KLHL29: variants seen among roughly 807,000 people sequenced by gnomAD.
The protein encoded by KLHL29 is kelch-like protein 29.
KLHL29 carries 21 observed loss-of-function variants against 80.4 expected under a neutral mutation model. The ratio of observed to expected loss-of-function variants is 0.26; its 90% confidence interval spans 0.19 to 0.38. The LOEUF (loss-of-function observed/expected upper bound fraction) is 0.38, where lower values mean the gene tolerates loss of function less well. KLHL29 is among the 10% of genes least tolerant of loss of function. The pLI is 1.00. For synonymous variants in KLHL29, 511 were observed against 526.8 expected, an observed-to-expected ratio of 0.97 and a Z score of 0.41; for missense variants, 867 against 1,223.9, an observed-to-expected ratio of 0.71 and a Z score of 4.35.
rs773103328 is a variant in KLHL29, at chr2:23,563,136, AG to A, written c.285+657del. Reference sequence around the variant, plus strand: ...AGCTGGCTTCAGGGATGTCAGCGCCAGGTCATTCCCGTTTCTTTCAGAAGAG... The same window carrying A: ...AGCTGGCTTCAGGGATGTCAGCGCCAGTCATTCCCGTTTCTTTCAGAAGAG... On this transcript the variant is annotated intron_variant, in intron 3 of 13. Coordinates refer to ENST00000486442, the MANE Select transcript of KLHL29 (RefSeq NM_052920.2). Among the ~76,000 whole-genome samples the A allele has an allele frequency of 2.6e-5, 4 of 152,250 alleles. No homozygotes were observed. In the East Asian group the frequency reaches 5.8e-4, roughly 22 times the overall value.
At position 23,642,762 on chromosome 2, in the gene KLHL29, C is replaced by G. The variant is rs1185958407; in HGVS notation, c.852C>G (p.Pro284=). 1.9e-6 allele frequency: 3 copies of G among 1,550,404 alleles called. No homozygotes were observed. The highest frequency in any genetic ancestry group is 2.6e-6 in the Non-Finnish European group (3 of 1,146,860). Residue 284 remains proline, a synonymous_variant, in exon 5 of 14, where the codon CCC becomes CCG. Coordinates refer to ENST00000486442, the MANE Select transcript of KLHL29 (RefSeq NM_052920.2). ...LPSGAPATNG[P]PTTDSAHGLQ... The stretch of plus-strand genomic sequence containing the variant: ...GTGGTGCCCCTGCCACCAATGGGCC[C>G]CCCACAACCGACTCGGCCCACGGGC...
At chr2:23,467,192 G>T (rs747772267) in intron 1 of KLHL29, among the ~76,000 whole-genome samples, 3 of 152,196 alleles carry the variant, frequency 2.0e-5, no homozygotes, top group Admixed American at 6.5e-5. Flanking sequence ...TCAGCTGCTG[G>T]CCTCCTTTCC....
At position 23,639,234 on chromosome 2, in the gene KLHL29, C is replaced by T; in HGVS notation, c.381C>T (p.Asp127=). 1 of 1,549,014 alleles carries T rather than the reference C, an allele frequency of 6.5e-7. No individual in the cohort carries two copies. Among genetic ancestry groups the T allele is most frequent in the Non-Finnish European group, 8.7e-7 (1 of 1,145,822 alleles). The change falls in exon 4 of 14, where the codon GAC becomes GAT. Residue 127 remains aspartate, a synonymous_variant. Coordinates refer to ENST00000486442, the MANE Select transcript of KLHL29 (RefSeq NM_052920.2). ...CTATCAATCAGTCCACACCCTGGGA[C>T]ACTGATGAGCCACCCTCCAAACAGA... ...QTPINQSTPW[D]TDEPPSKQMR... is the part of the protein sequence containing the mutation.
intron 1 of KLHL29, among the ~76,000 whole-genome samples, chr2:23,474,886 G>C (rs756418428): frequency 2.0e-5 from 3 of 151,978 alleles, no homozygotes; most frequent in Admixed American, 1.3e-4. Flanking sequence ...TTTGCAGTGG[G>C]GGATGCCATT....
chr2:23,431,663 C>T (rs1201763958), intron 1 of KLHL29, among the ~76,000 whole-genome samples: 2 of 152,002 alleles, frequency 1.3e-5, no homozygotes, highest in African/African-American at 4.8e-5. Flanking sequence ...GAGGCCTAGG[C>T]GGGTGGATCA....
chr2:23,504,265 A>G (rs1665531820), intron 2 of KLHL29, among the ~76,000 whole-genome samples: 1 of 152,260 alleles, frequency 6.6e-6, no homozygotes, highest in Admixed American at 6.5e-5. Flanking sequence ...CAAATGTCAG[A>G]GATCTAGAAC....
At chr2:23,500,290 A>AG (rs771956459) in intron 2 of KLHL29, among the ~76,000 whole-genome samples, 7 of 152,336 alleles carry the variant, frequency 4.6e-5, no homozygotes, top group Non-Finnish European at 8.8e-5. Context: ...GATGTCTGGA[A>AG]GGAGTACAGA....
At chr2:23,631,068 C>T (rs1669455078) in intron 3 of KLHL29, among the ~76,000 whole-genome samples, 7 of 152,152 alleles carry the variant, frequency 4.6e-5, no homozygotes, top group Admixed American at 3.9e-4. Flanking sequence ...GCCACCAAGC[C>T]GAGGATCACA....
chr2:23,547,773 T>C (rs568094750), intron 2 of KLHL29, among the ~76,000 whole-genome samples: 16 of 152,088 alleles, frequency 1.1e-4, no homozygotes, highest in African/African-American at 3.1e-4. Context: ...TACATCCTGC[T>C]GAGTTCAGCC....
At chr2:23,500,173 C>T (rs1259331939) in intron 2 of KLHL29, among the ~76,000 whole-genome samples, 2 of 152,124 alleles carry the variant, frequency 1.3e-5, no homozygotes, top group Non-Finnish European at 2.9e-5. Flanking sequence ...TCAGACAGTG[C>T]CTTAGCAAGG....
At chr2:23,438,545 C>T (rs1277845317) in intron 1 of KLHL29, among the ~76,000 whole-genome samples, 1 of 149,636 alleles carries the variant, frequency 6.7e-6, no homozygotes, top group Non-Finnish European at 1.5e-5. Flanking sequence ...TGTCAAAGGC[C>T]TTTTCTGCAT....
chr2:23,532,342 C>T (rs111338023), intron 2 of KLHL29, among the ~76,000 whole-genome samples: 62 of 152,300 alleles, frequency 4.1e-4, no homozygotes, highest in African/African-American at 1.4e-3. Context: ...TAGACAACAC[C>T]GGCTCACTGG....
chr2:23,510,982 G>A (rs957518194), intron 2 of KLHL29, among the ~76,000 whole-genome samples: 5 of 152,212 alleles, frequency 3.3e-5, no homozygotes, highest in Non-Finnish European at 5.9e-5. Context: ...TGTGGATGCT[G>A]TATTAGTTTG....
intron 3 of KLHL29, among the ~76,000 whole-genome samples, chr2:23,626,767 G>A (rs1291238744): frequency 6.6e-6 from 1 of 152,238 alleles, no homozygotes; most frequent in African/African-American, 2.4e-5. Context: ...CCAGCGCTGA[G>A]GGAGTGGAGC....
At chr2:23,585,192 C>G (rs1240211113) in intron 3 of KLHL29, among the ~76,000 whole-genome samples, 1 of 152,178 alleles carries the variant, frequency 6.6e-6, no homozygotes, top group Non-Finnish European at 1.5e-5. Flanking sequence ...CGCCAAGAAA[C>G]CACACCTGTA....
intron 1 of KLHL29, among the ~76,000 whole-genome samples, chr2:23,409,928 T>G (rs1411042608): frequency 6.6e-6 from 1 of 151,852 alleles, no homozygotes; most frequent in Non-Finnish European, 1.5e-5. Flanking sequence ...AAAGGGAGGG[T>G]GAGCTGGGGA....
intron 2 of KLHL29, among the ~76,000 whole-genome samples, chr2:23,495,094 CA>C (rs1352430761): frequency 6.6e-6 from 1 of 152,076 alleles, no homozygotes; most frequent in Non-Finnish European, 1.5e-5. Flanking sequence ...CTCCTGGCCT[CA>C]AGCAATTTTC....
intron 3 of KLHL29, among the ~76,000 whole-genome samples, chr2:23,576,120 C>T (rs1572411674): frequency 6.6e-6 from 1 of 152,146 alleles, no homozygotes; most frequent in African/African-American, 2.4e-5. Context: ...GCCTGACCAA[C>T]ATAGTGAAAC....
In KLHL29 at chr2:23,533,509, G is replaced by C. The variant is rs1382050073; in HGVS notation, c.-45-28643G>C. Reference sequence around the variant, plus strand: ...TGAAGCAGCTGATGCAAAACAAGGAGCCCTGGGTCGTAGATGCAGCTCTGT... The same window carrying C: ...TGAAGCAGCTGATGCAAAACAAGGACCCCTGGGTCGTAGATGCAGCTCTGT... On this transcript the variant is annotated intron_variant, in intron 2 of 13. Coordinates refer to ENST00000486442, the MANE Select transcript of KLHL29 (RefSeq NM_052920.2). Among the ~76,000 whole-genome samples, 4 of 152,176 alleles carry C rather than the reference G, an allele frequency of 2.6e-5. No homozygotes were observed. In the East Asian group the frequency reaches 7.7e-4, roughly 29 times the overall value.
Sources: gnomAD v4.1 joint callset for allele counts (sites outside exome capture counted in the v4.1 genomes callset) on GRCh38, gnomAD v4.1.1 for gene constraint, MANE v1.5 for transcripts, NCBI Gene and HGNC (gene_info 2026-07-23, HGNC 2026-07-21) for gene names.